Variants in DYSF observed in about 807,000 individuals in gnomAD.
DYSF encodes dysferlin.
In DYSF, 212 loss-of-function variants were observed where a neutral mutation model predicts 274.9. The observed-to-expected ratio is 0.77, with a 90% CI of 0.69 to 0.86. The LOEUF (loss-of-function observed/expected upper bound fraction) is 0.86. Ranked by LOEUF, DYSF falls within the 40% of genes least tolerant of loss-of-function variation. DYSF has a pLI of 0.00. For synonymous variants in DYSF, 1,091 were observed against 1,078.7 expected, an observed-to-expected ratio of 1.01 and a Z score of -0.22; for missense variants, 2,666 against 2,783.2, an observed-to-expected ratio of 0.96 and a Z score of 0.95.
At chr2:71,494,606 G>T (rs2084192038) in intron 3 of DYSF, among the ~76,000 whole-genome samples, 1 of 152,174 alleles carries the variant, frequency 6.6e-6, no homozygotes, top group South Asian at 2.1e-4. Flanking sequence ...GGCTCTTGTG[G>T]TCACAGTGGT....
intron 17 of DYSF, 151 bp downstream of exon 17, chr2:71,539,390 A>C: frequency 1.4e-6 from 1 of 716,704 alleles, no homozygotes; most frequent in Non-Finnish European, 2.5e-6. Flanking sequence ...AGCTCTGGCA[A>C]TGAAAGAGAT....
chr2:71,586,658 CAG>C (rs1216874269), intron 30 of DYSF, among the ~76,000 whole-genome samples: 1 of 152,114 alleles, frequency 6.6e-6, no homozygotes, highest in Admixed American at 6.5e-5. Flanking sequence ...GAACCTCAGA[CAG>C]AGGCCTTGGG....
At chr2:71,572,303 C>T (rs1462147429) in intron 29 of DYSF, among the ~76,000 whole-genome samples, 1 of 149,636 alleles carries the variant, frequency 6.7e-6, no homozygotes, top group Non-Finnish European at 1.5e-5. Flanking sequence ...CCACAGATCA[C>T]ACCCAGCACA....
rs370433490 is a variant in DYSF, at chr2:71,481,986, G to A, written c.239+16G>A. Reference sequence around the variant, plus strand: ...GGAGGAACAGGTAAGGTGGCCAGAGGGGGGTGCTCCATGGCTTGAAGGTGC... The same window carrying A: ...GGAGGAACAGGTAAGGTGGCCAGAGAGGGGTGCTCCATGGCTTGAAGGTGC... On this transcript the variant is annotated intron_variant, in intron 3 of 55. Coordinates refer to ENST00000410020, the MANE Select transcript of DYSF (RefSeq NM_001130987.2). The A allele has an allele frequency of 3.5e-5, 57 of 1,609,120 alleles. 1 individual carries two copies. In the African/African-American group the frequency reaches 5.1e-4, roughly 14 times the overall value.
chr2:71,632,723 G>C (rs559756579), intron 41 of DYSF, among the ~76,000 whole-genome samples: 58 of 152,192 alleles, frequency 3.8e-4, no homozygotes, highest in African/African-American at 1.3e-3. Flanking sequence ...ATTCCTCTAG[G>C]CTTTCTGCAT....
chr2:71,528,959 C>T (rs552878464), intron 14 of DYSF, among the ~76,000 whole-genome samples: 1 of 152,044 alleles, frequency 6.6e-6, no homozygotes, highest in Admixed American at 6.5e-5. Context: ...GTGCACCCCC[C>T]ACAGGCTTTC....
intron 32 of DYSF, among the ~76,000 whole-genome samples, 168 bp from the exon 33 acceptor site, chr2:71,598,396 G>T (rs1207273052): frequency 2.0e-5 from 3 of 152,204 alleles, no homozygotes; most frequent in African/African-American, 7.2e-5. Context: ...CCTCATGGTG[G>T]GGCTAGGAGA....
intron 32 of DYSF, among the ~76,000 whole-genome samples, chr2:71,590,958 C>T (rs775288484): frequency 6.6e-6 from 1 of 152,184 alleles, no homozygotes; most frequent in Non-Finnish European, 1.5e-5. Context: ...TCCCTGGCAC[C>T]TTCCACACTG....
At chr2:71,565,185 A>T (rs2092006584) in intron 24 of DYSF, among the ~76,000 whole-genome samples, 1 of 146,158 alleles carries the variant, frequency 6.8e-6, no homozygotes, top group Non-Finnish European at 1.5e-5. Context: ...AGTTCAAGGG[A>T]TTCTCCTCCC....
At position 71,551,131 on chromosome 2, in the gene DYSF, C is replaced by T. The variant is rs769083024; in HGVS notation, c.1667C>T (p.Pro556Leu). 1 of 1,614,042 alleles carries T rather than the reference C, an allele frequency of 6.2e-7. No individual in the cohort carries two copies. Among genetic ancestry groups the T allele is most frequent in the Non-Finnish European group, 8.5e-7 (1 of 1,180,034 alleles). ...AGAGAGTTCACAGGCTTCCCAGACC[C>T]CTACACAGAGCTCAACACAGGCAAG... The part of the protein sequence containing the change: ...SPREFTGFPD[P>L]YTELNTGKGE... Residue 556 changes from proline (P) to leucine (L), a missense_variant, in exon 18 of 56, where the codon CCC (proline) becomes CTC (leucine). By Grantham distance (98) the Pro-to-Leu change is moderately conservative. This residue lies in a region of DYSF where 794 missense variants were observed against 777.1 expected (regional missense o/e 1.02). Coordinates refer to ENST00000410020, the MANE Select transcript of DYSF (RefSeq NM_001130987.2).
intron 21 of DYSF, 109 bp downstream of exon 21, chr2:71,554,040 C>A: frequency 6.8e-7 from 1 of 1,472,136 alleles, no homozygotes; most frequent in Non-Finnish European, 9.4e-7. Context: ...TGACACACGG[C>A]TGTGCCTACT....
intron 32 of DYSF, among the ~76,000 whole-genome samples, chr2:71,596,537 C>T (rs905877359): frequency 3.9e-5 from 6 of 152,124 alleles, no homozygotes; most frequent in African/African-American, 7.2e-5. Flanking sequence ...CACAGCCAGA[C>T]GGTTTCATTA....
intron 1 of DYSF, among the ~76,000 whole-genome samples, chr2:71,455,147 A>G (rs1235588238): frequency 2.0e-5 from 3 of 152,200 alleles, no homozygotes; most frequent in South Asian, 4.1e-4. Flanking sequence ...CCATCTGCAC[A>G]TATGATCCCA....
At chr2:71,608,744 C>T (rs181643185) in intron 36 of DYSF, among the ~76,000 whole-genome samples, 38 of 139,892 alleles carry the variant, frequency 2.7e-4, no homozygotes, top group Non-Finnish European at 1.5e-4. Context: ...GAGGGAGCCC[C>T]GAGGGACAGA....
intron 10 of DYSF, 103 bp from the exon 11 acceptor site, chr2:71,520,075 T>C: frequency 7.2e-7 from 1 of 1,382,422 alleles, no homozygotes; most frequent in Non-Finnish European, 1.0e-6. Flanking sequence ...TTTCCAAATG[T>C]TCTTCAAAAA....
chr2:71,682,004 G>A (rs773764070), intron 54 of DYSF, among the ~76,000 whole-genome samples: 24 of 152,316 alleles, frequency 1.6e-4, no homozygotes, highest in Middle Eastern at 6.8e-3. Flanking sequence ...AATCCTCCAC[G>A]TATTTTGAGA....
At chr2:71,511,751 G>A in intron 4 of DYSF, 56 bp from the exon 5 acceptor site, 1 of 1,023,942 alleles carries the variant, frequency 9.8e-7, no homozygotes, top group South Asian at 1.4e-5. Context: ...AGATACTGGA[G>A]GGCAGTGGTC....
At chr2:71,663,839 C>T (rs904167024) in intron 45 of DYSF, among the ~76,000 whole-genome samples, 6 of 151,978 alleles carry the variant, frequency 3.9e-5, no homozygotes, top group Admixed American at 2.0e-4. Context: ...GAGTACCAGT[C>T]GTCGGTAAAT....
chr2:71,668,493 C>T (rs1300454555), intron 48 of DYSF, among the ~76,000 whole-genome samples: 25 of 152,274 alleles, frequency 1.6e-4, no homozygotes. Context: ...CCCTGGCTGC[C>T]AAGACTCAGC....
Sources: gnomAD v4.1 joint callset for allele counts (sites outside exome capture counted in the v4.1 genomes callset) on GRCh38, gnomAD v4.1.1 for gene constraint, gnomAD v4.1.1 regional missense constraint, MANE v1.5 for transcripts, NCBI Gene and HGNC (gene_info 2026-07-23, HGNC 2026-07-21) for gene names.